PUM3: variants seen among roughly 807,000 people sequenced by gnomAD.
PUM3 encodes pumilio homolog 3.
PUM3 carries 91 observed loss-of-function variants against 84.0 expected under a neutral mutation model. The observed-to-expected ratio is 1.08, with a 90% CI of 0.91 to 1.29. The LOEUF (loss-of-function observed/expected upper bound fraction) is 1.29. PUM3 is among the 50% of genes most tolerant of loss of function. The pLI is 0.00. For missense variants in PUM3, 1,067 were observed against 767.5 expected (o/e 1.39, Z -4.61); for synonymous variants, 321 against 266.7 (o/e 1.20, Z -1.98).
At position 2,804,248 on chromosome 9, in the gene PUM3, G is replaced by A. The variant is rs1821215505; in HGVS notation, c.*83C>T. The A allele has an allele frequency of 1.4e-6, 2 of 1,383,018 alleles. No individual in the cohort carries two copies. Among genetic ancestry groups the A allele is most frequent in the Non-Finnish European group, 2.0e-6 (2 of 1,005,184 alleles). 85.7% of individuals were successfully genotyped at this position (1,383,018 alleles called of 1,614,324 possible). A position where few individuals can be genotyped will look rare whatever the true frequency, so the allele number is the denominator to read the frequency against. On this transcript the variant is annotated 3_prime_UTR_variant, in exon 18 of 18. Transcript: ENST00000397885. ...AGAGTACCCCAATTACCAGTATGGTGGACCCTACCCCTTCTTTTCTGCATT... is the reference window on the plus strand; with the variant it reads ...AGAGTACCCCAATTACCAGTATGGTAGACCCTACCCCTTCTTTTCTGCATT...
At chr9:2,826,669 G>A (rs765832874) in intron 10 of PUM3, among the ~76,000 whole-genome samples, 3 of 152,028 alleles carry the variant, frequency 2.0e-5, no homozygotes, top group Non-Finnish European at 4.4e-5. Flanking sequence ...GGTTTTCATC[G>A]TCCACTTAGT....
intron 8 of PUM3, among the ~76,000 whole-genome samples, chr9:2,828,979 T>G (rs990109803): frequency 5.3e-5 from 8 of 152,232 alleles, no homozygotes; most frequent in African/African-American, 1.9e-4. Flanking sequence ...TCAGTGCATT[T>G]AAAGAGCCAG....
rs377379607 is a variant in PUM3, at chr9:2,822,769, ATAT to A, written c.1188+1009_1188+1011del. Among the ~76,000 whole-genome samples, 14 of 148,594 alleles carry A rather than the reference ATAT, an allele frequency of 9.4e-5. No homozygotes were observed. The South Asian group carries it at 1.7e-3, about 18-fold the overall frequency. ...TATATAATATATAACATTATAATTC[ATAT>A]TATAATTATGAATTATGAAATATAT... On this transcript the variant is annotated intron_variant, in intron 12 of 17. Coordinates refer to ENST00000397885, the MANE Select transcript of PUM3 (RefSeq NM_014878.5).
Position 2,824,760 on chromosome 9 carries a change from C to G in PUM3, c.1091G>C (p.Gly364Ala). 2 of 1,589,532 alleles carry G rather than the reference C, an allele frequency of 1.3e-6. No homozygotes were observed. The highest frequency in any genetic ancestry group is 1.7e-6 in the Non-Finnish European group (2 of 1,164,626). ...CAGGCAGTGCATGGCCACTCTGGCG[C>G]CATCGTGTGTGTGTGCCAGGTAGAC... ...AVVYLAHTHD[G>A]ARVAMHCLWH... is the part of the protein sequence containing the mutation. Residue 364 changes from glycine to alanine, a missense_variant, in exon 11 of 18, where the codon GGC (glycine) becomes GCC (alanine). Physicochemically the swap from Gly to Ala is moderately conservative, Grantham distance 60 (BLOSUM62 0). Transcript: ENST00000397885.
intron 1 of PUM3, among the ~76,000 whole-genome samples, chr9:2,842,569 C>G (rs1816293510): frequency 2.0e-5 from 3 of 152,146 alleles, no homozygotes; most frequent in Admixed American, 1.3e-4. Context: ...ATAGACCAAC[C>G]TCTACATGTT....
At chr9:2,825,903 C>A (rs1351248515) in intron 10 of PUM3, among the ~76,000 whole-genome samples, 1 of 152,100 alleles carries the variant, frequency 6.6e-6, no homozygotes, top group Non-Finnish European at 1.5e-5. Flanking sequence ...AAGCCTCATG[C>A]CACGAAAGAG....
intron 1 of PUM3, among the ~76,000 whole-genome samples, chr9:2,841,060 G>C (rs1037485932): frequency 6.6e-6 from 1 of 152,044 alleles, no homozygotes; most frequent in Non-Finnish European, 1.5e-5. Flanking sequence ...ATCTAATCAA[G>C]CACCACATAT....
chr9:2,816,847 C>A (rs1821480703), intron 13 of PUM3, among the ~76,000 whole-genome samples: 1 of 152,236 alleles, frequency 6.6e-6, no homozygotes, highest in African/African-American at 2.4e-5. Flanking sequence ...TACACTAGAG[C>A]TTAGTCTTAA....
At chr9:2,831,205 T>C in intron 6 of PUM3, 46 bp downstream of exon 6, 1 of 1,327,852 alleles carries the variant, frequency 7.5e-7, no homozygotes, top group Non-Finnish European at 1.1e-6. Context: ...AGAAAACAAG[T>C]GACTTATTGC....
Position 2,837,279 on chromosome 9 carries a change from T to G in PUM3, c.205A>C (p.Lys69Gln). 1.2e-6 allele frequency: 2 copies of G among 1,614,174 alleles called. No individual in the cohort carries two copies. Among genetic ancestry groups the G allele is most frequent in the Non-Finnish European group, 1.7e-6 (2 of 1,180,010 alleles). The change falls in exon 3 of 18, where the codon AAG becomes CAG. Residue 69 changes from lysine (K) to glutamine (Q), a missense_variant. Physicochemically the swap from Lys to Gln is moderately conservative, Grantham distance 53. Transcript: ENST00000397885. Reference sequence around the variant, plus strand: ...GATTTGTCCCCTTGCTGCTTATTCTTGAACTGCTTTACACCCTTTTTCCCA... The same window carrying G: ...GATTTGTCCCCTTGCTGCTTATTCTGGAACTGCTTTACACCCTTTTTCCCA... ...KLGKKGVKQF[K>Q]NKQQGDKSPK...
At chr9:2,822,842 T>C (rs911600762) in intron 12 of PUM3, among the ~76,000 whole-genome samples, 1 of 150,908 alleles carries the variant, frequency 6.6e-6, no homozygotes, top group Admixed American at 6.6e-5. Context: ...GAATTCCATA[T>C]TTCACTTTAT....
chr9:2,824,013 T>C (rs1303725973), intron 11 of PUM3, among the ~76,000 whole-genome samples, 179 bp from the exon 12 acceptor site: 9 of 152,166 alleles, frequency 5.9e-5, no homozygotes, highest in African/African-American at 1.9e-4. Flanking sequence ...GAAGTTGGCT[T>C]AGAGCTATTA....
In PUM3 at chr9:2,812,242, T is replaced by C. The variant is rs748250721; in HGVS notation, c.1390A>G (p.Lys464Glu). The change falls in exon 14 of 18, where the codon AAA (lysine) becomes GAA (glutamate). Residue 464 changes from lysine to glutamate, a missense_variant. Transcript: ENST00000397885. ...TACCTGTGTGCATTTCCATCTCCTTTTTGCAGAACTTCAATGATTTCTCGT... is the reference window on the plus strand; with the variant it reads ...TACCTGTGTGCATTTCCATCTCCTTCTTGCAGAACTTCAATGATTTCTCGT... ...TVREIIEVLQ[K>E]GDGNAHSKKD... 13 of 1,613,868 alleles carry C rather than the reference T, an allele frequency of 8.1e-6. No homozygotes were observed. The highest frequency in any genetic ancestry group is 1.1e-5 in the Non-Finnish European group (13 of 1,179,816).
At position 2,833,255 on chromosome 9, in the gene PUM3, C is replaced by T. The variant is rs181418315; in HGVS notation, c.516+102G>A. 1.1e-3 allele frequency: 606 copies of T among 552,700 alleles called. 3 individuals are homozygous for T. The African/African-American group carries it at 0.011, about 10-fold the overall frequency. The allele number at this position is 552,700 out of a possible 1,614,324, so 34.2% of individuals were successfully genotyped here. On this transcript the variant is annotated intron_variant, in intron 5 of 17. Transcript: ENST00000397885. Reference sequence around the variant, plus strand: ...ATTTAAAACTTTTGGCCAAATACACCGGAAACAATGATAAGATCATCTGTC... The same window carrying T: ...ATTTAAAACTTTTGGCCAAATACACTGGAAACAATGATAAGATCATCTGTC...
intron 10 of PUM3, among the ~76,000 whole-genome samples, chr9:2,825,145 G>C (rs1016848878): frequency 6.6e-6 from 1 of 152,102 alleles, no homozygotes; most frequent in Non-Finnish European, 1.5e-5. Flanking sequence ...AAGCCTAGGA[G>C]GTGGTGGTGA....
In PUM3 at chr9:2,831,357, G is replaced by C. The variant is rs1815975445; in HGVS notation, c.517-13C>G. 6.5e-7 allele frequency: 1 copy of C among 1,536,154 alleles called. No individual in the cohort carries two copies. The highest frequency in any genetic ancestry group is 9.0e-7 in the Non-Finnish European group (1 of 1,114,420). On this transcript the variant is annotated splice_polypyrimidine_tract_variant and intron_variant, in intron 5 of 17. Transcript: ENST00000397885. ...GTGCAAATGCAATCTGCAGGAAAAA[G>C]TTTGAGTTAGACTAATTCTCTTTTG... is the stretch of plus-strand genomic sequence containing the variant.
In PUM3 at chr9:2,837,270, G is replaced by T; in HGVS notation, c.214C>A (p.Gln72Lys). Reference protein sequence around the residue: ...KKGVKQFKNKQQGDKSPKNKF... With the variant: ...KKGVKQFKNKKQGDKSPKNKF... ...TTCTTTGGTGATTTGTCCCCTTGCTGCTTATTCTTGAACTGCTTTACACCC... is the reference window on the plus strand; with the variant it reads ...TTCTTTGGTGATTTGTCCCCTTGCTTCTTATTCTTGAACTGCTTTACACCC... The change falls in exon 3 of 18, where the codon CAG becomes AAG. Residue 72 changes from glutamine (Q) to lysine (K), a missense_variant. Transcript: ENST00000397885. The T allele has an allele frequency of 3.1e-6, 5 of 1,614,034 alleles. No homozygotes were observed. The highest frequency in any genetic ancestry group is 4.2e-6 in the Non-Finnish European group (5 of 1,179,958).
At position 2,827,276 on chromosome 9, in the gene PUM3, T is replaced by A. The variant is rs1035635664; in HGVS notation, c.957-125A>T. ...AAATGGTTTTACTGAATACAATTTG[T>A]CATAAAATAGACTGTATTTTTCAGA... On this transcript the variant is annotated intron_variant, in intron 9 of 17. Coordinates refer to ENST00000397885, the MANE Select transcript of PUM3 (RefSeq NM_014878.5). 7 of 624,962 alleles carry A rather than the reference T, an allele frequency of 1.1e-5. No individual in the cohort carries two copies. In the South Asian group the frequency reaches 1.3e-4, roughly 12 times the overall value. The allele number at this position is 624,962 out of a possible 1,614,324, so 38.7% of individuals were successfully genotyped here. A position where few individuals can be genotyped will look rare whatever the true frequency, so the allele number is the denominator to read the frequency against.
chr9:2,831,736 A>G (rs1389309530), intron 5 of PUM3, among the ~76,000 whole-genome samples: 1 of 152,184 alleles, frequency 6.6e-6, no homozygotes, highest in Non-Finnish European at 1.5e-5. Context: ...ATTTTTATAT[A>G]AGTGATCTAA....
Sources: allele counts gnomAD v4.1 joint callset (sites outside exome capture counted in the v4.1 genomes callset), GRCh38; gene constraint gnomAD v4.1.1; transcripts MANE v1.5; gene names NCBI Gene and HGNC (gene_info 2026-07-23, HGNC 2026-07-21).